CBFA2T2: variants seen among roughly 807,000 people sequenced by gnomAD.
The protein encoded by CBFA2T2 is CBFA2/RUNX1 partner transcriptional co-repressor 2, also known as protein CBFA2T2.
A neutral mutation model predicts 62.2 loss-of-function variants in CBFA2T2; 11 were observed. The observed-to-expected ratio is 0.18, with a 90% CI of 0.11 to 0.29. CBFA2T2 has a LOEUF of 0.29. Among genes scored for constraint, CBFA2T2 ranks in the 10% least tolerant of loss-of-function variants. CBFA2T2 has a pLI of 1.00. For synonymous variants in CBFA2T2, 295 were observed against 287.5 expected, an observed-to-expected ratio of 1.03 and a Z score of -0.27; for missense variants, 592 against 774.1, an observed-to-expected ratio of 0.76 and a Z score of 2.79.
chr20:33,563,318 A>G (rs1021250349), intron 1 of CBFA2T2, among the ~76,000 whole-genome samples: 2 of 152,156 alleles, frequency 1.3e-5, no homozygotes, highest in Admixed American at 6.5e-5. Flanking sequence ...ATAACTACGT[A>G]CTGTGTTCTG....
intron 1 of CBFA2T2, among the ~76,000 whole-genome samples, chr20:33,516,569 C>T (rs991066719): frequency 6.6e-6 from 1 of 152,218 alleles, no homozygotes; most frequent in Non-Finnish European, 1.5e-5. Flanking sequence ...GTCCAGAGTT[C>T]GAGACCAGCC....
intron 1 of CBFA2T2, among the ~76,000 whole-genome samples, chr20:33,595,256 G>C (rs1206660930): frequency 6.6e-6 from 1 of 152,098 alleles, no homozygotes; most frequent in Non-Finnish European, 1.5e-5. Flanking sequence ...TTGTTGCCCA[G>C]GCTGGAGTGC....
chr20:33,561,467 TC>T (rs1258301863), intron 1 of CBFA2T2, among the ~76,000 whole-genome samples: 2 of 152,218 alleles, frequency 1.3e-5, no homozygotes, highest in African/African-American at 4.8e-5. Context: ...GTTGGACCCT[TC>T]ACTCAATTTG....
chr20:33,623,906 A>G (rs932490979), intron 5 of CBFA2T2: 1 of 713,786 alleles, frequency 1.4e-6, no homozygotes, highest in African/African-American at 1.8e-5. Flanking sequence ...CAGAAGCCTC[A>G]GGAGTACAGT....
intron 1 of CBFA2T2, among the ~76,000 whole-genome samples, chr20:33,502,167 T>G (rs2011296996): frequency 6.6e-6 from 1 of 152,302 alleles, no homozygotes; most frequent in East Asian, 1.9e-4. Flanking sequence ...TTAGTTAATA[T>G]TCTTCTGCAG....
At chr20:33,544,539 TTTTA>T (rs1891443362) in intron 1 of CBFA2T2, among the ~76,000 whole-genome samples, 1 of 152,076 alleles carries the variant, frequency 6.6e-6, no homozygotes, top group African/African-American at 2.4e-5. Context: ...TTATTTTTAT[TTTTA>T]TTTATTTGTT....
intron 1 of CBFA2T2, among the ~76,000 whole-genome samples, chr20:33,579,661 T>C (rs1446869585): frequency 2.0e-5 from 3 of 151,862 alleles, no homozygotes; most frequent in Non-Finnish European, 4.4e-5. Flanking sequence ...TCTTTCCCCA[T>C]TGAGTTGAGT....
At chr20:33,603,244 G>A (rs149763916) in intron 1 of CBFA2T2, among the ~76,000 whole-genome samples, 1 of 152,032 alleles carries the variant, frequency 6.6e-6, no homozygotes, top group East Asian at 1.9e-4. Flanking sequence ...TCCTATGTAG[G>A]AAAAAATATC....
At chr20:33,496,573 T>C (rs536246965) in intron 1 of CBFA2T2, among the ~76,000 whole-genome samples, 7 of 152,166 alleles carry the variant, frequency 4.6e-5, no homozygotes, top group Non-Finnish European at 8.8e-5. Flanking sequence ...GTCTAAACAG[T>C]TAAAAGTGGA....
At chr20:33,504,916 C>G (rs1294335019) in intron 1 of CBFA2T2, among the ~76,000 whole-genome samples, 1 of 152,116 alleles carries the variant, frequency 6.6e-6, no homozygotes, top group East Asian at 1.9e-4. Flanking sequence ...CTCTCTGTTA[C>G]TTGTTTTAGA....
At chr20:33,579,528 G>T (rs916575129) in intron 1 of CBFA2T2, among the ~76,000 whole-genome samples, 2 of 148,244 alleles carry the variant, frequency 1.3e-5, no homozygotes, top group African/African-American at 2.5e-5. Context: ...ATGGTCCGGG[G>T]TATTATTTTA....
chr20:33,542,210 T>C (rs902069510), intron 1 of CBFA2T2, among the ~76,000 whole-genome samples: 4 of 152,214 alleles, frequency 2.6e-5, no homozygotes, highest in African/African-American at 9.6e-5. Context: ...AACATGTGGT[T>C]TACAGCATCT....
chr20:33,629,646 G>T, intron 7 of CBFA2T2, 73 bp from the exon 8 acceptor site: 1 of 1,348,880 alleles, frequency 7.4e-7, no homozygotes, highest in South Asian at 1.4e-5. Context: ...CTCATATTGC[G>T]TTGGCCTGAT....
rs981532108 is a variant in CBFA2T2 at position 33,648,566 on chromosome 20, G to C, written c.*3920G>C. Reference sequence around the variant, plus strand: ...AGGTGGGGGCACTCCACACTGGGGGGCCCTGCAGCTCCAGGGCTGGTGCTC... The same window carrying C: ...AGGTGGGGGCACTCCACACTGGGGGCCCCTGCAGCTCCAGGGCTGGTGCTC... On this transcript the variant is annotated 3_prime_UTR_variant, in exon 11 of 11. Transcript: ENST00000342704. The C allele has an allele frequency of 6.6e-6, 1 of 152,284 alleles. No homozygotes were observed. Among genetic ancestry groups the C allele is most frequent in the Admixed American group, 6.5e-5 (1 of 15,280 alleles). The allele number at this position is 152,284 out of a possible 1,614,324, so 9.4% of individuals were successfully genotyped here.
chr20:33,503,190 A>G (rs2011325115), intron 1 of CBFA2T2, among the ~76,000 whole-genome samples: 1 of 151,564 alleles, frequency 6.6e-6, no homozygotes, highest in Non-Finnish European at 1.5e-5. Context: ...GAGCTAGGAA[A>G]TATATACACA....
At chr20:33,620,881 A>G (rs2015934369) in intron 4 of CBFA2T2, among the ~76,000 whole-genome samples, 1 of 152,248 alleles carries the variant, frequency 6.6e-6, no homozygotes, top group Admixed American at 6.5e-5. Flanking sequence ...AAATACAGGT[A>G]TCAAATCAGG....
chr20:33,614,789 T>G (rs1277589902), intron 3 of CBFA2T2, among the ~76,000 whole-genome samples: 1 of 152,216 alleles, frequency 6.6e-6, no homozygotes, highest in Non-Finnish European at 1.5e-5. Context: ...CACATTTTAT[T>G]GATCTGTTAA....
In CBFA2T2 at chr20:33,619,626, A is replaced by G. The variant is rs938820618; in HGVS notation, c.510+20A>G. 1.4e-6 allele frequency: 2 copies of G among 1,471,736 alleles called. No homozygotes were observed. The highest frequency in any genetic ancestry group is 9.4e-7 in the Non-Finnish European group (1 of 1,063,914). 91.2% of individuals were successfully genotyped at this position (1,471,736 alleles called of 1,614,324 possible). On this transcript the variant is annotated intron_variant, in intron 4 of 10. Transcript: ENST00000342704. ...CTCAAGGTAATTTGATAATTACTGA[A>G]TATAATTTATCTTGAATATTTCCTC... is the stretch of plus-strand genomic sequence containing the variant.
At chr20:33,628,220 A>T in intron 6 of CBFA2T2, 130 bp from the exon 7 acceptor site, 1 of 665,308 alleles carries the variant, frequency 1.5e-6, no homozygotes, top group African/African-American at 1.8e-5. Flanking sequence ...TGGGTCCCCC[A>T]CCCCATTGTG....
Sources: allele counts gnomAD v4.1 joint callset (sites outside exome capture counted in the v4.1 genomes callset), GRCh38; gene constraint gnomAD v4.1.1; transcripts MANE v1.5; gene names NCBI Gene and HGNC (gene_info 2026-07-23, HGNC 2026-07-21).